Variants in PKN3 observed in about 807,000 individuals in gnomAD.
PKN3 encodes the protein serine/threonine-protein kinase N3.
Under a neutral mutation model 113.1 loss-of-function variants are expected in PKN3, and 91 were observed. The observed-to-expected ratio is 0.80, with a 90% CI of 0.68 to 0.96. The LOEUF is 0.96. PKN3 is among the 40% of genes least tolerant of loss of function. The probability of loss-of-function intolerance (pLI) is 0.00; values close to 1 mark genes in which losing one functional copy is unlikely to be tolerated. For synonymous variants in PKN3, 467 were observed against 499.0 expected, an observed-to-expected ratio of 0.94 and a Z score of 0.85; for missense variants, 1,052 against 1,202.2, an observed-to-expected ratio of 0.88 and a Z score of 1.85.
chr9:128,705,191 C>T, intron 1 of PKN3, 112 bp from the exon 2 acceptor site: 1 of 1,354,102 alleles, frequency 7.4e-7, no homozygotes, highest in Non-Finnish European at 1.0e-6. Context: ...CTGTGCGAGT[C>T]AGTCCTGGGT....
intron 3 of PKN3, 84 bp downstream of exon 3, chr9:128,705,963 A>G: frequency 7.3e-7 from 1 of 1,371,578 alleles, no homozygotes. Context: ...GCTCATAAGG[A>G]GACACCATTC....
At position 128,713,034 on chromosome 9, in the gene PKN3, C is replaced by T. The variant is rs749671361; in HGVS notation, c.836-18C>T. The stretch of plus-strand genomic sequence containing the variant: ...GAAGATGGCATCTGACAACGCCCCC[C>T]GCTCACTCTCCCCACAGGGACACTG... On this transcript the variant is annotated intron_variant, in intron 6 of 21. Transcript: ENST00000291906. 32 of 1,578,316 alleles carry T rather than the reference C, an allele frequency of 2.0e-5. No homozygotes were observed. The highest frequency in any genetic ancestry group is 1.7e-4 in the Middle Eastern group (1 of 5,912).
intron 6 of PKN3, among the ~76,000 whole-genome samples, chr9:128,711,264 C>T (rs1194529872): frequency 6.6e-6 from 1 of 151,700 alleles, no homozygotes; most frequent in Admixed American, 6.6e-5. Flanking sequence ...CCTTGGCCTC[C>T]CAAAGTGCTG....
At chr9:128,714,948 TG>T in intron 13 of PKN3, 83 bp downstream of exon 13, 1 of 1,349,670 alleles carries the variant, frequency 7.4e-7, no homozygotes, top group Non-Finnish European at 1.1e-6. Context: ...CATTACTCCC[TG>T]GCTCCCTGGC....
intron 15 of PKN3, 29 bp from the exon 16 acceptor site, chr9:128,716,718 C>G (rs1480668493): frequency 6.3e-7 from 1 of 1,596,852 alleles, no homozygotes; most frequent in South Asian, 1.1e-5. Flanking sequence ...AGTTTTCCTT[C>G]CCTCTAATAC....
chr9:128,713,237 C>T, intron 7 of PKN3, 39 bp downstream of exon 7: 1 of 1,611,262 alleles, frequency 6.2e-7, no homozygotes. Context: ...CAGGAGACCC[C>T]TGCTTCAGGC....
intron 18 of PKN3, among the ~76,000 whole-genome samples, chr9:128,718,891 T>TG (rs1160026603): frequency 1.0e-4 from 3 of 28,776 alleles, no homozygotes; most frequent in Non-Finnish European, 6.1e-4. Flanking sequence ...CTTCTGTTTT[T>TG]TTTTTGGTTT....
intron 8 of PKN3, 27 bp from the exon 9 acceptor site, chr9:128,713,472 C>T: frequency 6.2e-7 from 1 of 1,613,784 alleles, no homozygotes; most frequent in African/African-American, 1.3e-5. Context: ...CTGCACCCCA[C>T]CCTTCAGCCT....
chr9:128,708,237 C>T (rs556577106), intron 6 of PKN3, among the ~76,000 whole-genome samples: 38 of 151,960 alleles, frequency 2.5e-4, no homozygotes, highest in South Asian at 6.2e-4. Flanking sequence ...AAAAAAGTAG[C>T]TGGATGTGGT....
chr9:128,702,736 G>C lies in PKN3; in HGVS notation c.-180G>C, dbSNP rs1589471708. 1 of 515,450 alleles carries C rather than the reference G, an allele frequency of 1.9e-6. No homozygotes were observed. The highest frequency in any genetic ancestry group is 4.3e-5 in the Admixed American group (1 of 23,098). The allele number at this position is 515,450 out of a possible 1,614,324, so 31.9% of individuals were successfully genotyped here. On this transcript the variant is annotated 5_prime_UTR_variant, in exon 1 of 22. Coordinates refer to ENST00000291906, the MANE Select transcript of PKN3 (RefSeq NM_013355.5). The stretch of plus-strand genomic sequence containing the variant: ...GGCGTGGGGTCCCGGGCGCTGGATC[G>C]GCGCGGACGGGAGGCGGCGCTGGTC...
At chr9:128,718,794 C>A (rs1303508654) in intron 18 of PKN3, among the ~76,000 whole-genome samples, 169 bp downstream of exon 18, 2 of 152,096 alleles carry the variant, frequency 1.3e-5, no homozygotes, top group Admixed American at 6.5e-5. Context: ...GCCCTTTCTT[C>A]CTAGTCCTAG....
rs1224945446 is a variant in PKN3, at chr9:128,705,721, C to A, written c.266-13C>A. ...GGGTGAGGGACTCCTGTGCTCGATA[C>A]CCCCGTGCACAGAGCCTGTGGCCTC... On this transcript the variant is annotated splice_polypyrimidine_tract_variant and intron_variant, in intron 2 of 21. Transcript: ENST00000291906. 2 of 1,596,576 alleles carry A rather than the reference C, an allele frequency of 1.3e-6. No homozygotes were observed. The highest frequency in any genetic ancestry group is 1.7e-6 in the Non-Finnish European group (2 of 1,171,704).
At chr9:128,712,232 C>T (rs1164923660) in intron 6 of PKN3, among the ~76,000 whole-genome samples, 1 of 152,094 alleles carries the variant, frequency 6.6e-6, no homozygotes, top group African/African-American at 2.4e-5. Context: ...CTAAGCTTCT[C>T]TTTCTACCCT....
intron 1 of PKN3, chr9:128,703,862 T>G: frequency 1.0e-6 from 1 of 985,450 alleles, no homozygotes; most frequent in Non-Finnish European, 1.2e-6. Flanking sequence ...GTACACATTT[T>G]CCGATTTCCT....
At position 128,714,274 on chromosome 9, in the gene PKN3, C is replaced by T; in HGVS notation, c.1390C>T (p.Pro464Ser). 6.2e-7 allele frequency: 1 copy of T among 1,613,632 alleles called. No homozygotes were observed. The highest frequency in any genetic ancestry group is 8.5e-7 in the Non-Finnish European group (1 of 1,179,734). Residue 464 changes from proline (P) to serine (S), a missense_variant, in exon 11 of 22, where the codon CCC (proline) becomes TCC (serine). By Grantham distance (74) the Pro-to-Ser change is moderately conservative. Coordinates refer to ENST00000291906, the MANE Select transcript of PKN3 (RefSeq NM_013355.5). Reference sequence around the variant, plus strand: ...GCGCCTCGTCATGAACCTGCTGCCCCCCTGCAGCTCCCCGAGCACAATCAG... The same window carrying T: ...GCGCCTCGTCATGAACCTGCTGCCCTCCTGCAGCTCCCCGAGCACAATCAG... ...WGRLVMNLLP[P>S]CSSPSTISPP...
At chr9:128,703,828 C>T (rs1413419674) in intron 1 of PKN3, 7 of 985,344 alleles carry the variant, frequency 7.1e-6, no homozygotes, top group African/African-American at 1.7e-5. Context: ...CTGGAGGTCC[C>T]TCCGCCTGTT....
chr9:128,718,896 TG>T (rs749851031), intron 18 of PKN3, among the ~76,000 whole-genome samples: 3,994 of 106,756 alleles, frequency 0.037, 343 homozygotes, highest in Middle Eastern at 0.067. Flanking sequence ...GTTTTTTTTT[TG>T]GTTTGTTTTT....
Position 128,718,607 on chromosome 9 carries a change from T to G in PKN3, c.2107T>G (p.Phe703Val). The G allele has an allele frequency of 1.2e-6, 2 of 1,614,092 alleles. No individual in the cohort carries two copies. The highest frequency in any genetic ancestry group is 1.7e-6 in the Non-Finnish European group (2 of 1,180,016). The change falls in exon 18 of 22, where the codon TTT becomes GTT. Residue 703 changes from phenylalanine to valine, a missense_variant. Transcript: ENST00000291906. Reference protein sequence around the residue: ...DAQGFLKIADFGLCKEGIGFG... With the variant: ...DAQGFLKIADVGLCKEGIGFG... ...CCAGGGATTCCTGAAGATCGCAGAC[T>G]TTGGACTCTGCAAGGAAGGTGGGGG...
At chr9:128,718,282 G>A (rs1194686370) in intron 16 of PKN3, 43 bp from the exon 17 acceptor site, 5 of 1,546,004 alleles carry the variant, frequency 3.2e-6, no homozygotes, top group African/African-American at 2.7e-5. Flanking sequence ...TGCCTCCCTG[G>A]TGTGTGTCTT....
Sources: allele counts gnomAD v4.1 joint callset (sites outside exome capture counted in the v4.1 genomes callset), GRCh38; gene constraint gnomAD v4.1.1; transcripts MANE v1.5; gene names NCBI Gene and HGNC (gene_info 2026-07-23, HGNC 2026-07-21).